The following UGT1A4 variants were observed in gnomAD, a reference collection of about 807,000 sequenced individuals.
UGT1A4 encodes the protein UDP-glucuronosyltransferase 1A4.
A neutral mutation model predicts 41.1 loss-of-function variants in UGT1A4; 32 were observed. The ratio of observed to expected loss-of-function variants is 0.78; its 90% CI spans 0.59 to 1.05. The LOEUF (loss-of-function observed/expected upper bound fraction) is 1.05. Among genes scored for constraint, UGT1A4 ranks in the 50% least tolerant of loss-of-function variants. The pLI is 0.00. For missense variants in UGT1A4, 748 were observed against 677.4 expected, an observed-to-expected ratio of 1.10 and a Z score of -1.16; for synonymous variants, 283 against 265.1, an observed-to-expected ratio of 1.07 and a Z score of -0.66.
rs2076741853 is a variant in UGT1A4, at chr2:233,719,252, T to G, written c.432T>G (p.Thr144=). The change falls in exon 1 of 5, where the codon ACT becomes ACG. Residue 144 remains threonine, a synonymous_variant. Transcript: ENST00000373409. ...NEALIRHLNA[T]SFDVVLTDPV... ...CCCTGATCAGGCACCTGAATGCTAC[T>G]TCCTTTGATGTGGTTTTAACAGACC... 1.2e-6 allele frequency: 2 copies of G among 1,614,040 alleles called. No homozygotes were observed. Among genetic ancestry groups the G allele is most frequent in the Non-Finnish European group, 1.7e-6 (2 of 1,180,020 alleles).
chr2:233,766,183 A>T (rs1370975589), intron 1 of UGT1A4, among the ~76,000 whole-genome samples: 1 of 152,070 alleles, frequency 6.6e-6, no homozygotes, highest in African/African-American at 2.4e-5. Flanking sequence ...TATTGAGTGG[A>T]TGTAGCTCTC....
intron 1 of UGT1A4, among the ~76,000 whole-genome samples, chr2:233,757,777 G>A (rs1409053330): frequency 6.6e-6 from 1 of 151,782 alleles, no homozygotes; most frequent in African/African-American, 2.4e-5. Flanking sequence ...TAATAAGCCT[G>A]TCATTCTGAT....
At chr2:233,746,224 T>C (rs977968303) in intron 1 of UGT1A4, among the ~76,000 whole-genome samples, 14 of 151,784 alleles carry the variant, frequency 9.2e-5, no homozygotes, top group Non-Finnish European at 5.9e-5. Flanking sequence ...CAAGGACAGA[T>C]ATGCAAACTG....
intron 1 of UGT1A4, chr2:233,729,744 A>G: frequency 1.2e-6 from 2 of 1,613,946 alleles, no homozygotes; most frequent in South Asian, 2.2e-5. Context: ...ACCACATGAC[A>G]TTCATGCAAA....
intron 1 of UGT1A4, among the ~76,000 whole-genome samples, chr2:233,749,903 C>T (rs1384807685): frequency 6.6e-6 from 1 of 151,914 alleles, no homozygotes; most frequent in Non-Finnish European, 1.5e-5. Flanking sequence ...CCTCCAGCCA[C>T]CTGGAACTGT....
At chr2:233,755,285 A>C (rs1468695441) in intron 1 of UGT1A4, 1 of 681,694 alleles carries the variant, frequency 1.5e-6, no homozygotes, top group Non-Finnish European at 2.3e-6. Flanking sequence ...ACTGCCAAAG[A>C]GCCTGCGGGG....
At chr2:233,742,458 C>T (rs1691985678) in intron 1 of UGT1A4, among the ~76,000 whole-genome samples, 1 of 151,914 alleles carries the variant, frequency 6.6e-6, no homozygotes, top group African/African-American at 2.4e-5. Context: ...GTTCCTTGCC[C>T]TTATTCCAGT....
At chr2:233,748,647 C>A (rs1378497880) in intron 1 of UGT1A4, among the ~76,000 whole-genome samples, 4 of 151,722 alleles carry the variant, frequency 2.6e-5, no homozygotes, top group African/African-American at 9.7e-5. Flanking sequence ...GAATTACACA[C>A]TGAGTTCAGT....
chr2:233,753,072 ACTC>A (rs1477069056), intron 1 of UGT1A4: 1 of 151,486 alleles, frequency 6.6e-6, no homozygotes, highest in Non-Finnish European at 1.5e-5. Context: ...CCACCTCAAA[ACTC>A]CTTTTATTCC....
chr2:233,748,002 G>C (rs1380342969), intron 1 of UGT1A4: 18 of 1,613,382 alleles, frequency 1.1e-5, no homozygotes, highest in Non-Finnish European at 1.4e-5. Flanking sequence ...CTTTGTGATG[G>C]ATTACCCCAG....
intron 1 of UGT1A4, chr2:233,752,532 T>G (rs1694995506): frequency 6.6e-6 from 1 of 152,250 alleles, no homozygotes; most frequent in African/African-American, 2.4e-5. Context: ...AAAAATTCTT[T>G]AAATAAAATG....
At chr2:233,736,828 G>T (rs2078816893) in intron 1 of UGT1A4, among the ~76,000 whole-genome samples, 1 of 152,192 alleles carries the variant, frequency 6.6e-6, no homozygotes, top group Admixed American at 6.5e-5. Flanking sequence ...GATGCTCTTT[G>T]CTTTGGTATC....
chr2:233,731,986 G>T (rs184170345), intron 1 of UGT1A4, among the ~76,000 whole-genome samples: 1 of 152,194 alleles, frequency 6.6e-6, no homozygotes, highest in Non-Finnish European at 1.5e-5. Context: ...TCTAACTGGC[G>T]TGAGATGGTA....
At chr2:233,767,763 C>T (rs34082659) in intron 2 of UGT1A4, 86 bp from the exon 3 acceptor site, 28,610 of 1,607,468 alleles carry the variant, frequency 0.018, 380 homozygotes, top group Admixed American at 0.044. Flanking sequence ...CTTCAGAGGA[C>T]CCCTGTTTTC....
Position 233,772,633 on chromosome 2 carries a change from T to G in UGT1A4, c.*74T>G. The G allele has an allele frequency of 6.4e-7, 1 of 1,555,996 alleles. No homozygotes were observed. Among genetic ancestry groups the G allele is most frequent in the Non-Finnish European group, 8.7e-7 (1 of 1,149,842 alleles). On this transcript the variant is annotated 3_prime_UTR_variant, in exon 5 of 5. Transcript: ENST00000373409. ...TCCAAACTTGAAAACAGAATCAGTG[T>G]TAAATTCATTTTATTCTTATTAAGG... is the stretch of plus-strand genomic sequence containing the variant.
At position 233,729,748 on chromosome 2, in the gene UGT1A4, A is replaced by C. The variant is rs140766748; in HGVS notation, c.867+10061A>C. 4.5e-4 allele frequency: 721 copies of C among 1,613,992 alleles called. 2 individuals carry two copies. The highest frequency in any genetic ancestry group is 1.8e-3 in the South Asian group (167 of 91,072). Reference sequence around the variant, plus strand: ...AACCAATTCAGACCACATGACATTCATGCAAAGGGTCAAGAACATGCTCTA... The same window carrying C: ...AACCAATTCAGACCACATGACATTCCTGCAAAGGGTCAAGAACATGCTCTA... On this transcript the variant is annotated intron_variant, in intron 1 of 4. Coordinates refer to ENST00000373409, the MANE Select transcript of UGT1A4 (RefSeq NM_007120.3).
At position 233,772,524 on chromosome 2, in the gene UGT1A4, CG is replaced by C. The variant is rs1700532996; in HGVS notation, c.1571del (p.Arg524GlnfsTer22). On this transcript the variant is annotated frameshift_variant, in exon 5 of 5. Transcript: ENST00000373409. LOFTEE classifies it high-confidence loss of function. The part of the protein sequence containing the change: ...GYRKCLGKKG[R>X]VKKAHKSKTH Reference sequence around the variant, plus strand: ...CCGGAAATGCTTGGGGAAAAAAGGGCGAGTTAAGAAAGCCCACAAATCCAAG... The same window carrying C: ...CCGGAAATGCTTGGGGAAAAAAGGGCAGTTAAGAAAGCCCACAAATCCAAG... 6.2e-7 allele frequency: 1 copy of C among 1,613,838 alleles called. No homozygotes were observed. The highest frequency in any genetic ancestry group is 1.3e-5 in the African/African-American group (1 of 74,832).
At chr2:233,730,719 C>T (rs141253229) in intron 1 of UGT1A4, among the ~76,000 whole-genome samples, 4 of 152,168 alleles carry the variant, frequency 2.6e-5, no homozygotes, top group Non-Finnish European at 4.4e-5. Flanking sequence ...CTGAAATTAT[C>T]AAGAAATGGC....
chr2:233,731,329 A>C (rs1284025044), intron 1 of UGT1A4, among the ~76,000 whole-genome samples: 2 of 150,010 alleles, frequency 1.3e-5, no homozygotes, highest in Admixed American at 6.7e-5. Context: ...GTACATGTGC[A>C]CAAATTGCAG....
Sources: gnomAD v4.1 joint callset for allele counts (sites outside exome capture counted in the v4.1 genomes callset) on GRCh38, gnomAD v4.1.1 for gene constraint, MANE v1.5 for transcripts, NCBI Gene and HGNC (gene_info 2026-07-23, HGNC 2026-07-21) for gene names.